Variants in NRXN2 observed in about 807,000 individuals in gnomAD.
NRXN2 encodes neurexin 2, also known as neurexin-2-beta.
Under a neutral mutation model 128.8 loss-of-function variants are expected in NRXN2, and 29 were observed. That is an observed-to-expected ratio of 0.23 (90% CI 0.17 to 0.31). NRXN2 has a LOEUF of 0.31. NRXN2 is among the 10% of genes least tolerant of loss of function. The pLI is 1.00. For missense variants in NRXN2, 1,881 were observed against 2,452.6 expected (o/e 0.77, Z 4.92); for synonymous variants, 1,098 against 1,075.2 (o/e 1.02, Z -0.41).
chr11:64,626,925 C>A (rs988570789), intron 19 of NRXN2, among the ~76,000 whole-genome samples: 1 of 152,120 alleles, frequency 6.6e-6, no homozygotes, highest in African/African-American at 2.4e-5. Flanking sequence ...AGGGGAGGGG[C>A]ATTTAGCAGG....
At chr11:64,681,823 TGGAG>T (rs1565395957) in intron 6 of NRXN2, among the ~76,000 whole-genome samples, 1 of 137,380 alleles carries the variant, frequency 7.3e-6, no homozygotes, top group East Asian at 2.2e-4. Flanking sequence ...TGGATGAGTA[TGGAG>T]AACAGCACAG....
At chr11:64,633,230 C>A (rs1050668887) in intron 18 of NRXN2, among the ~76,000 whole-genome samples, 7 of 152,220 alleles carry the variant, frequency 4.6e-5, no homozygotes, top group Non-Finnish European at 1.0e-4. Context: ...ATCCCCCTAC[C>A]CTTTCTCCTC....
At chr11:64,614,818 C>T (rs541635348) in intron 22 of NRXN2, among the ~76,000 whole-genome samples, 1 of 152,358 alleles carries the variant, frequency 6.6e-6, no homozygotes, top group African/African-American at 2.4e-5. Context: ...ACATATGGGT[C>T]CCCATTCCAG....
At chr11:64,624,843 A>T (rs992466151) in intron 20 of NRXN2, among the ~76,000 whole-genome samples, 1 of 152,168 alleles carries the variant, frequency 6.6e-6, no homozygotes, top group Non-Finnish European at 1.5e-5. Flanking sequence ...TTTATTGAGC[A>T]CCTACCATAG....
At chr11:64,701,598 A>C (rs2055368391) in intron 2 of NRXN2, among the ~76,000 whole-genome samples, 1 of 152,072 alleles carries the variant, frequency 6.6e-6, no homozygotes, top group African/African-American at 2.4e-5. Context: ...AATTAGCCAG[A>C]TGTAATGGCT....
At chr11:64,694,487 T>G (rs2054233600) in intron 3 of NRXN2, among the ~76,000 whole-genome samples, 1 of 152,200 alleles carries the variant, frequency 6.6e-6, no homozygotes, top group African/African-American at 2.4e-5. Flanking sequence ...ATGGTTCACA[T>G]TGCCCTCTTT....
intron 5 of NRXN2, among the ~76,000 whole-genome samples, chr11:64,686,311 A>C (rs1212824388): frequency 6.6e-6 from 1 of 152,122 alleles, no homozygotes; most frequent in Admixed American, 6.5e-5. Context: ...GGGACATAGA[A>C]GGGAAATAAG....
intron 18 of NRXN2, among the ~76,000 whole-genome samples, chr11:64,634,532 C>A (rs761900851): frequency 1.1e-4 from 16 of 152,022 alleles, no homozygotes; most frequent in Non-Finnish European, 1.9e-4. Context: ...GAGGGAGACC[C>A]TGGGAAGGAA....
At chr11:64,620,153 G>A in intron 22 of NRXN2, 141 bp downstream of exon 22, 4 of 699,800 alleles carry the variant, frequency 5.7e-6, no homozygotes, top group Middle Eastern at 3.7e-4. Flanking sequence ...CTGGGAGGAT[G>A]TTAGGCAAGG....
chr11:64,649,262 C>A (rs571037682), intron 15 of NRXN2, among the ~76,000 whole-genome samples: 1 of 152,294 alleles, frequency 6.6e-6, no homozygotes, highest in South Asian at 2.1e-4. Flanking sequence ...CGTCCACCCC[C>A]ATTCCCTCCC....
intron 17 of NRXN2, among the ~76,000 whole-genome samples, chr11:64,636,711 A>T (rs1206596357): frequency 2.0e-5 from 3 of 151,934 alleles, no homozygotes; most frequent in Non-Finnish European, 4.4e-5. Flanking sequence ...GGGTGGGAGA[A>T]CTCTGGAGTC....
rs1219300972 is a variant in NRXN2 at position 64,722,979 on chromosome 11, CG to C, written c.-254del. 1 of 121,374 alleles carries C rather than the reference CG, an allele frequency of 8.2e-6. No homozygotes were observed. Among genetic ancestry groups the C allele is most frequent in the Non-Finnish European group, 1.7e-5 (1 of 59,652 alleles). 7.5% of individuals were successfully genotyped at this position (121,374 alleles called of 1,614,324 possible). On this transcript the variant is annotated 5_prime_UTR_variant, in exon 1 of 23. Transcript: ENST00000265459. ...CCCCCCCCCCATTTTACCTGGTTCT[CG>C]GGGCGCCAGAAGCTGGAGGGTGGGT...
intron 12 of NRXN2, among the ~76,000 whole-genome samples, chr11:64,653,318 C>A (rs574995010): frequency 6.6e-5 from 10 of 152,240 alleles, no homozygotes; most frequent in Middle Eastern, 3.4e-3. Context: ...TCCAGCCCCT[C>A]TCAGGCTCCT....
chr11:64,685,265 C>T (rs1435979061), intron 6 of NRXN2, among the ~76,000 whole-genome samples: 1 of 152,186 alleles, frequency 6.6e-6, no homozygotes, highest in Non-Finnish European at 1.5e-5. Context: ...CCCCCTGGCA[C>T]CCAGGAGCAC....
intron 3 of NRXN2, 133 bp downstream of exon 3, chr11:64,697,642 C>A (rs1379151428): frequency 9.6e-7 from 1 of 1,040,910 alleles, no homozygotes; most frequent in Admixed American, 1.9e-5. Flanking sequence ...AAGGGAGGAC[C>A]CCAGACATCC....
rs922723840 is a variant in NRXN2 at position 64,713,683 on chromosome 11, C to A, written c.17G>T (p.Arg6Leu). MASGS[R>L]WRPTPPPLLL... ...CAGCGGCGGCGGTGTCGGCCGCCAC[C>A]GGCTCCCGGACGCCATGCCTACGGC... The change falls in exon 2 of 23, where the codon CGG (arginine) becomes CTG (leucine). Residue 6 changes from arginine to leucine, a missense_variant. Physicochemically the swap from Arg to Leu is moderately radical, Grantham distance 102. Around this residue, in one of 7 missense-constraint regions of NRXN2, gnomAD observed 997 missense variants for 1,240.8 expected, o/e 0.80. Coordinates refer to ENST00000265459, the MANE Select transcript of NRXN2 (RefSeq NM_015080.4). The A allele has an allele frequency of 2.4e-5, 27 of 1,141,784 alleles. No homozygotes were observed. The East Asian group carries it at 1.2e-3, about 53-fold the overall frequency. 70.7% of individuals were successfully genotyped at this position (1,141,784 alleles called of 1,614,324 possible).
At chr11:64,715,988 G>A (rs905338909) in intron 1 of NRXN2, among the ~76,000 whole-genome samples, 6 of 152,170 alleles carry the variant, frequency 3.9e-5, no homozygotes, top group African/African-American at 1.4e-4. Flanking sequence ...AGGCATGGGG[G>A]GAGGGAAAGG....
chr11:64,720,681 T>TGTGCACACACAC (rs1357962486), intron 1 of NRXN2, among the ~76,000 whole-genome samples: 1 of 152,144 alleles, frequency 6.6e-6, no homozygotes. Flanking sequence ...CATGTGCTGG[T>TGTGCACACACAC]GTGCACACAC....
intron 4 of NRXN2, 134 bp from the exon 5 acceptor site, chr11:64,690,610 G>A: frequency 1.3e-6 from 1 of 777,142 alleles, no homozygotes. Context: ...CTTTTCTGGG[G>A]ACTCCCTTGC....
Sources: gnomAD v4.1 joint callset for allele counts (sites outside exome capture counted in the v4.1 genomes callset) on GRCh38, gnomAD v4.1.1 for gene constraint, gnomAD v4.1.1 regional missense constraint, MANE v1.5 for transcripts, NCBI Gene and HGNC (gene_info 2026-07-23, HGNC 2026-07-21) for gene names.